The following CPSF6 variants were observed in gnomAD, a reference collection of about 807,000 sequenced individuals.
The protein encoded by CPSF6 is cleavage and polyadenylation specificity factor subunit 6.
CPSF6 carries 10 observed loss-of-function variants against 56.7 expected under a neutral mutation model. The ratio of observed to expected loss-of-function variants is 0.18; its 90% CI spans 0.11 to 0.30. The LOEUF is 0.30. Ranked by LOEUF, CPSF6 falls within the 10% of genes least tolerant of loss-of-function variation. The pLI, the probability that CPSF6 is intolerant of heterozygous loss-of-function variation, is 1.00. For synonymous variants in CPSF6, 248 were observed against 244.8 expected, an observed-to-expected ratio of 1.01 and a Z score of -0.12; for missense variants, 419 against 722.9, an observed-to-expected ratio of 0.58 and a Z score of 4.82.
intron 1 of CPSF6, 33 bp downstream of exon 1, chr12:69,239,739 C>T (rs764179705): frequency 1.9e-6 from 3 of 1,556,706 alleles, no homozygotes; most frequent in Non-Finnish European, 2.6e-6. Context: ...GCCGCCGACG[C>T]GGGCGGCGCT....
chr12:69,239,597 G>C lies in CPSF6; in HGVS notation c.-50G>C, dbSNP rs778382834. On this transcript the variant is annotated 5_prime_UTR_variant, in exon 1 of 10. Coordinates refer to ENST00000435070, the MANE Select transcript of CPSF6 (RefSeq NM_007007.3). ...AGATCCGCTGCTGCTGCCGCGGCGGGCAGACCTGCAGGAGGCGGCGGCGGC... is the reference window on the plus strand; with the variant it reads ...AGATCCGCTGCTGCTGCCGCGGCGGCCAGACCTGCAGGAGGCGGCGGCGGC... 2.0e-6 allele frequency: 3 copies of C among 1,525,084 alleles called. No homozygotes were observed. The highest frequency in any genetic ancestry group is 2.6e-6 in the Non-Finnish European group (3 of 1,138,046). 94.5% of individuals were successfully genotyped at this position (1,525,084 alleles called of 1,614,324 possible). A position where few individuals can be genotyped will look rare whatever the true frequency, so the allele number is the denominator to read the frequency against.
At chr12:69,250,813 A>T (rs1872207597) in intron 1 of CPSF6, among the ~76,000 whole-genome samples, 1 of 151,862 alleles carries the variant, frequency 6.6e-6, no homozygotes, top group South Asian at 2.1e-4. Flanking sequence ...TGCCTGGCTA[A>T]TTTTTGTATG....
At chr12:69,240,273 C>T (rs540234490) in intron 1 of CPSF6, among the ~76,000 whole-genome samples, 2 of 152,346 alleles carry the variant, frequency 1.3e-5, no homozygotes, top group Non-Finnish European at 2.9e-5. Flanking sequence ...GCCCAGTCCC[C>T]GGGGCTCTCC....
At chr12:69,267,537 A>G (rs570935239) in intron 9 of CPSF6, among the ~76,000 whole-genome samples, 1 of 152,054 alleles carries the variant, frequency 6.6e-6, no homozygotes, top group African/African-American at 2.4e-5. Context: ...CGTTGAATGT[A>G]TTTGTCACTT....
At chr12:69,259,372 G>T in intron 6 of CPSF6, 56 bp from the exon 7 acceptor site, 2 of 1,580,074 alleles carry the variant, frequency 1.3e-6, no homozygotes, top group South Asian at 2.4e-5. Flanking sequence ...ACACTGTTGT[G>T]ACTAACTGAG....
Position 69,271,439 on chromosome 12 carries a change from TGAACAGTTTAAA to T in CPSF6, c.*1932_*1943del, listed in dbSNP as rs1440216406. On this transcript the variant is annotated 3_prime_UTR_variant, in exon 10 of 10. Coordinates refer to ENST00000435070, the MANE Select transcript of CPSF6 (RefSeq NM_007007.3). ...ATGTCCATGAAAATAAAATTTTCTT[TGAACAGTTTAAA>T]AATGGAATCACAAAAATCTAACTGC... is the stretch of plus-strand genomic sequence containing the variant. The T allele has an allele frequency of 6.6e-6, 1 of 151,852 alleles. No individual in the cohort carries two copies. The highest frequency in any genetic ancestry group is 6.6e-5 in the Admixed American group (1 of 15,222). The allele number at this position is 151,852 out of a possible 1,614,324, so 9.4% of individuals were successfully genotyped here. A position where few individuals can be genotyped will look rare whatever the true frequency, so the allele number is the denominator to read the frequency against.
At chr12:69,240,200 T>C (rs1871536952) in intron 1 of CPSF6, among the ~76,000 whole-genome samples, 1 of 152,006 alleles carries the variant, frequency 6.6e-6, no homozygotes, top group Admixed American at 6.5e-5. Context: ...CTCCATTTTG[T>C]CTCCCTGCCC....
rs73335754 is a variant in CPSF6, at chr12:69,245,271, G to A, written c.60+5565G>A. ...TCACACCAGCATTACGAGCCCAAAC[G>A]TGAGGAATGCATTGGGCTAAGATCG... On this transcript the variant is annotated intron_variant, in intron 1 of 9. Transcript: ENST00000435070. Among the ~76,000 whole-genome samples the A allele has an allele frequency of 2.4e-3, 360 of 152,168 alleles. 2 individuals carry two copies. The highest frequency in any genetic ancestry group is 8.2e-3 in the African/African-American group (341 of 41,508).
intron 1 of CPSF6, among the ~76,000 whole-genome samples, chr12:69,240,090 C>G (rs1432115093): frequency 6.6e-6 from 1 of 151,320 alleles, no homozygotes; most frequent in Non-Finnish European, 1.5e-5. Flanking sequence ...CGCGCCCCCT[C>G]CCCCGTCGCT....
chr12:69,252,231 G>T, intron 2 of CPSF6: 2 of 314,134 alleles, frequency 6.4e-6, no homozygotes, highest in Non-Finnish European at 1.2e-5. Context: ...GTGTCACTCT[G>T]CCTGGCTAAT....
chr12:69,246,431 T>A (rs1262438735), intron 1 of CPSF6, among the ~76,000 whole-genome samples: 3 of 152,218 alleles, frequency 2.0e-5, no homozygotes, highest in Non-Finnish European at 4.4e-5. Context: ...AACTCTTCTC[T>A]ATTTTGTTAT....
rs1264196702 is a variant in CPSF6 at position 69,270,606 on chromosome 12, C to T, written c.*1098C>T. 1 of 151,676 alleles carries T rather than the reference C, an allele frequency of 6.6e-6. No individual in the cohort carries two copies. The highest frequency in any genetic ancestry group is 6.6e-5 in the Admixed American group (1 of 15,218). 9.4% of individuals were successfully genotyped at this position (151,676 alleles called of 1,614,324 possible). Reference sequence around the variant, plus strand: ...ATGTTCATTAACATTCGGTTGTATTCCCCAGTATTTGTAATGGGAAATTAC... The same window carrying T: ...ATGTTCATTAACATTCGGTTGTATTTCCCAGTATTTGTAATGGGAAATTAC... On this transcript the variant is annotated 3_prime_UTR_variant, in exon 10 of 10. Coordinates refer to ENST00000435070, the MANE Select transcript of CPSF6 (RefSeq NM_007007.3).
At chr12:69,269,460 G>A (rs921368505) in intron 9 of CPSF6, 52 bp from the exon 10 acceptor site, 3 of 449,758 alleles carry the variant, frequency 6.7e-6, no homozygotes, top group South Asian at 1.6e-5. Context: ...GCGTTTTTCT[G>A]TGTATTTTGG....
chr12:69,258,565 TCTCTCTTTCTCCTTTG>T lies in CPSF6; in HGVS notation c.695-24_695-9del. The T allele has an allele frequency of 6.5e-7, 1 of 1,540,708 alleles. No individual in the cohort carries two copies. Among genetic ancestry groups the T allele is most frequent in the Admixed American group, 2.2e-5 (1 of 44,704 alleles). ...ATCTTATTAGTGAAGTGTTTTTTTT[TCTCTCTTTCTCCTTTG>T]TTTTTTAGCTGGACAGACTCCACCA... On this transcript the variant is annotated splice_polypyrimidine_tract_variant and intron_variant, in intron 5 of 9. Transcript: ENST00000435070. The surrounding 1 kb of genome is among the most constrained non-coding windows in gnomAD (Gnocchi z 4.2).
intron 2 of CPSF6, among the ~76,000 whole-genome samples, chr12:69,252,623 C>A (rs1224454744): frequency 6.6e-6 from 1 of 152,146 alleles, no homozygotes; most frequent in Non-Finnish European, 1.5e-5. Flanking sequence ...TTAGTTGATA[C>A]ATAAAGTATA....
At chr12:69,244,376 A>C (rs1264129997) in intron 1 of CPSF6, among the ~76,000 whole-genome samples, 1 of 151,900 alleles carries the variant, frequency 6.6e-6, no homozygotes, top group Non-Finnish European at 1.5e-5. Flanking sequence ...GGCACTCACC[A>C]CCATGCCTGC....
chr12:69,252,111 G>A lies in CPSF6; in HGVS notation c.270+773G>A, dbSNP rs1056668672. 1.1e-5 allele frequency: 5 copies of A among 454,718 alleles called. No homozygotes were observed. In the Admixed American group the frequency reaches 1.2e-4, roughly 11 times the overall value. 28.2% of individuals were successfully genotyped at this position (454,718 alleles called of 1,614,324 possible). A position where few individuals can be genotyped will look rare whatever the true frequency, so the allele number is the denominator to read the frequency against. On this transcript the variant is annotated intron_variant, in intron 2 of 9. Coordinates refer to ENST00000435070, the MANE Select transcript of CPSF6 (RefSeq NM_007007.3). Reference sequence around the variant, plus strand: ...GGGGAGACAGAATTTGCAAAACTCTGTCACCCAGGCTGGAGTGCAGTGGTG... The same window carrying A: ...GGGGAGACAGAATTTGCAAAACTCTATCACCCAGGCTGGAGTGCAGTGGTG...
chr12:69,264,820 T>C (rs1872896473), intron 9 of CPSF6, among the ~76,000 whole-genome samples: 1 of 152,156 alleles, frequency 6.6e-6, no homozygotes, highest in Non-Finnish European at 1.5e-5. Context: ...TCTGCAAATT[T>C]GATCACCATC....
intron 1 of CPSF6, 66 bp from the exon 2 acceptor site, chr12:69,251,063 T>C: frequency 6.9e-7 from 1 of 1,453,912 alleles, no homozygotes; most frequent in African/African-American, 1.4e-5. Flanking sequence ...GTTGAATTTG[T>C]ATTCAAGTCT....
Sources: gnomAD v4.1 joint callset for allele counts (sites outside exome capture counted in the v4.1 genomes callset) on GRCh38, gnomAD v4.1.1 for gene constraint, Gnocchi (gnomAD v3.1) non-coding constraint, MANE v1.5 for transcripts, NCBI Gene and HGNC (gene_info 2026-07-23, HGNC 2026-07-21) for gene names.